The following SVIL variants were observed in gnomAD, a reference collection of about 807,000 sequenced individuals.
SVIL encodes the protein supervillin.
SVIL carries 101 observed loss-of-function variants against 240.4 expected under a neutral mutation model. The observed-to-expected ratio is 0.42, with a 90% CI of 0.36 to 0.50. The LOEUF is 0.50. Ranked by LOEUF, SVIL falls within the 20% of genes least tolerant of loss-of-function variation. SVIL has a pLI of 0.01. For missense variants in SVIL, 2,512 were observed against 2,818.7 expected (o/e 0.89, Z 2.46); for synonymous variants, 999 against 1,100.0 (o/e 0.91, Z 1.82).
chr10:29,500,372 G>T (rs1948784595), intron 17 of SVIL, among the ~76,000 whole-genome samples: 1 of 152,148 alleles, frequency 6.6e-6, no homozygotes, highest in Non-Finnish European at 1.5e-5. Flanking sequence ...AGGAGGTGTG[G>T]AGCTAATGCC....
intron 1 of SVIL, among the ~76,000 whole-genome samples, chr10:29,720,165 C>G (rs558996858): frequency 8.6e-4 from 131 of 152,272 alleles, no homozygotes; most frequent in African/African-American, 3.1e-3. Flanking sequence ...GACTGCACCA[C>G]TGCACTCTGC....
At chr10:29,687,201 G>A (rs1311784232) in intron 1 of SVIL, among the ~76,000 whole-genome samples, 1 of 152,128 alleles carries the variant, frequency 6.6e-6, no homozygotes, top group Non-Finnish European at 1.5e-5. Flanking sequence ...AAGTCTATTC[G>A]ATTCCGCACT....
At chr10:29,626,453 T>C (rs924950480) in intron 1 of SVIL, among the ~76,000 whole-genome samples, 21 of 152,180 alleles carry the variant, frequency 1.4e-4, no homozygotes, top group African/African-American at 4.6e-4. Flanking sequence ...AAAACAACTG[T>C]TGAGAATAAA....
intron 3 of SVIL, among the ~76,000 whole-genome samples, chr10:29,641,211 C>T (rs1284406175): frequency 6.6e-6 from 1 of 151,878 alleles, no homozygotes; most frequent in Non-Finnish European, 1.5e-5. Flanking sequence ...TGAGACCAGC[C>T]TGGGCAACAT....
chr10:29,514,840 T>C (rs1358071641), intron 16 of SVIL, among the ~76,000 whole-genome samples: 2 of 152,182 alleles, frequency 1.3e-5, no homozygotes, highest in Non-Finnish European at 2.9e-5. Context: ...AATATTTGTT[T>C]TGGAGATGGG....
intron 1 of SVIL, among the ~76,000 whole-genome samples, chr10:29,619,510 T>G (rs530442661): frequency 6.6e-6 from 1 of 152,318 alleles, no homozygotes; most frequent in African/African-American, 2.4e-5. Flanking sequence ...AAAGCTGGAA[T>G]GGAGAGCTCC....
chr10:29,611,588 T>G (rs1045944615), intron 1 of SVIL, among the ~76,000 whole-genome samples: 3 of 152,088 alleles, frequency 2.0e-5, no homozygotes, highest in African/African-American at 7.2e-5. Flanking sequence ...TGGAGAGGAA[T>G]CAGGAGCAAA....
rs1947894368 is a variant in SVIL, at chr10:29,490,919, G to C, written c.4120C>G (p.Leu1374Val). 6.2e-7 allele frequency: 1 copy of C among 1,613,980 alleles called. No individual in the cohort carries two copies. Among genetic ancestry groups the C allele is most frequent in the South Asian group, 1.1e-5 (1 of 91,076 alleles). Residue 1374 changes from leucine to valine, a missense_variant, in exon 22 of 38, where the codon CTC becomes GTC. Leu to Val is a conservative substitution (Grantham distance 32). This residue lies in a region of SVIL where 272 missense variants were observed against 406.8 expected (regional missense o/e 0.67). Coordinates refer to ENST00000355867, the MANE Select transcript of SVIL (RefSeq NM_021738.3). The stretch of plus-strand genomic sequence containing the variant: ...CTCTGCTCAGTGTATTCCTGAAGGA[G>C]ATCTTCTCTTGCCGCCAGCATTTTC... ...PLKMLAARED[L>V]LQEYTEQRLN...
chr10:29,621,811 G>C (rs1957653564), intron 1 of SVIL, among the ~76,000 whole-genome samples: 1 of 151,890 alleles, frequency 6.6e-6, no homozygotes, highest in Non-Finnish European at 1.5e-5. Flanking sequence ...AGATTTATGA[G>C]GAAAAGCTAA....
chr10:29,496,407 C>T (rs1223417697), intron 18 of SVIL: 1 of 455,894 alleles, frequency 2.2e-6, no homozygotes, highest in South Asian at 1.6e-5. Context: ...TAGAAGGATG[C>T]TTAAGAGAAG....
At chr10:29,675,413 AGG>A (rs1589493733) in intron 2 of SVIL, among the ~76,000 whole-genome samples, 1 of 152,198 alleles carries the variant, frequency 6.6e-6, no homozygotes, top group East Asian at 1.9e-4. Flanking sequence ...CTGAGGCTGG[AGG>A]ATCATTTGAG....
intron 1 of SVIL, among the ~76,000 whole-genome samples, chr10:29,588,445 G>A (rs1956257919): frequency 1.3e-5 from 2 of 152,076 alleles, no homozygotes; most frequent in African/African-American, 4.8e-5. Flanking sequence ...TGAACATACA[G>A]CACCCATTCA....
intron 3 of SVIL, among the ~76,000 whole-genome samples, chr10:29,656,144 C>T (rs1295938749): frequency 2.6e-5 from 4 of 151,318 alleles, no homozygotes; most frequent in East Asian, 1.9e-4. Flanking sequence ...GCTGGTATTA[C>T]AGGTGTGAGC....
At chr10:29,462,935 A>ATT (rs34945489) in intron 35 of SVIL, among the ~76,000 whole-genome samples, 2 of 58,420 alleles carry the variant, frequency 3.4e-5, no homozygotes, top group African/African-American at 1.3e-4. Flanking sequence ...ATTAAATAAG[A>ATT]TTAATTACTG....
At chr10:29,458,673 TG>T in intron 36 of SVIL, 84 bp from the exon 37 acceptor site, 2 of 1,470,746 alleles carry the variant, frequency 1.4e-6, no homozygotes, top group Non-Finnish European at 1.8e-6. Flanking sequence ...CACACAGCCC[TG>T]TGCCACCTGC....
At chr10:29,542,255 CA>C (rs142134450) in intron 6 of SVIL, among the ~76,000 whole-genome samples, 2,234 of 152,272 alleles carry the variant, frequency 0.015, 45 homozygotes, top group African/African-American at 0.048. Flanking sequence ...AACATTCATT[CA>C]AAAATGATTT....
At chr10:29,578,779 T>C (rs1384687896) in intron 1 of SVIL, among the ~76,000 whole-genome samples, 1 of 152,204 alleles carries the variant, frequency 6.6e-6, no homozygotes, top group Non-Finnish European at 1.5e-5. Flanking sequence ...GATCAATCAA[T>C]CAAATGGGCA....
chr10:29,610,869 T>A (rs943038940), intron 1 of SVIL, among the ~76,000 whole-genome samples: 5 of 152,144 alleles, frequency 3.3e-5, no homozygotes, highest in African/African-American at 1.2e-4. Flanking sequence ...GTGCAGTGCA[T>A]CACTTGTGAT....
At chr10:29,677,444 T>G (rs577294286) in intron 2 of SVIL, among the ~76,000 whole-genome samples, 89 of 152,246 alleles carry the variant, frequency 5.8e-4, no homozygotes, top group African/African-American at 2.0e-3. Context: ...AGGGTCTCAC[T>G]CTTGCCCAGG....
Sources: gnomAD v4.1 joint callset for allele counts (sites outside exome capture counted in the v4.1 genomes callset) on GRCh38, gnomAD v4.1.1 for gene constraint, gnomAD v4.1.1 regional missense constraint, MANE v1.5 for transcripts, NCBI Gene and HGNC (gene_info 2026-07-23, HGNC 2026-07-21) for gene names.